Variants in CDKL3 observed in about 807,000 individuals in gnomAD.
CDKL3 encodes cyclin-dependent kinase-like 3.
CDKL3 carries 65 observed loss-of-function variants against 69.3 expected under a neutral mutation model. The ratio of observed to expected loss-of-function variants is 0.94; its 90% CI spans 0.77 to 1.15. The LOEUF (loss-of-function observed/expected upper bound fraction) is 1.15. Ranked by LOEUF, CDKL3 falls within the 50% of genes most tolerant of loss-of-function variation. The pLI is 0.00. For synonymous variants in CDKL3, 202 were observed against 221.6 expected (o/e 0.91, Z 0.79); for missense variants, 652 against 689.2 (o/e 0.95, Z 0.61).
intron 4 of CDKL3, among the ~76,000 whole-genome samples, chr5:134,343,356 C>G (rs1255199447): frequency 6.6e-6 from 1 of 152,218 alleles, no homozygotes; most frequent in Non-Finnish European, 1.5e-5. Flanking sequence ...TTAATTGACT[C>G]CATCTTGCTT....
At chr5:134,290,353 CAAAAAAAA>C (rs1212709645) in intron 8 of CDKL3, among the ~76,000 whole-genome samples, 1 of 24,792 alleles carries the variant, frequency 4.0e-5, no homozygotes, top group Admixed American at 4.2e-4. Flanking sequence ...GACTCTGTCT[CAAAAAAAA>C]AAAAAAAAAA....
chr5:134,326,829 A>ATGTGTGTG (rs780866668), intron 4 of CDKL3, among the ~76,000 whole-genome samples: 3,089 of 85,864 alleles, frequency 0.036, 50 homozygotes, highest in South Asian at 0.058. Flanking sequence ...ATATATATAT[A>ATGTGTGTG]TATATATATA....
chr5:134,303,160 C>T (rs374338343), intron 11 of CDKL3, among the ~76,000 whole-genome samples: 13 of 151,626 alleles, frequency 8.6e-5, no homozygotes, highest in Non-Finnish European at 1.5e-4. Flanking sequence ...GGCGCGATCT[C>T]GGCTCACTGC....
At chr5:134,296,529 A>G (rs1296007278), downstream of CDKL3, among the ~76,000 whole-genome samples, 1 of 152,214 alleles carries the variant, frequency 6.6e-6, no homozygotes, top group East Asian at 1.9e-4. Context: ...TGGGACTTCA[A>G]GCATTAAGAT....
At chr5:134,325,942 T>C (rs1422124115) in intron 4 of CDKL3, among the ~76,000 whole-genome samples, 3 of 147,712 alleles carry the variant, frequency 2.0e-5, no homozygotes, top group Non-Finnish European at 4.5e-5. Flanking sequence ...TTTTTTTTTT[T>C]TTTTTTTGTA....
intron 4 of CDKL3, among the ~76,000 whole-genome samples, chr5:134,330,545 T>C (rs1256058544): frequency 6.6e-6 from 1 of 152,002 alleles, no homozygotes; most frequent in South Asian, 2.1e-4. Flanking sequence ...TGAAACCCCA[T>C]CTCTACAAAA....
downstream of CDKL3, among the ~76,000 whole-genome samples, chr5:134,286,183 T>G (rs1274812836): frequency 2.0e-5 from 3 of 152,070 alleles, no homozygotes; most frequent in Non-Finnish European, 2.9e-5. Flanking sequence ...AAATCACCTC[T>G]CTCAAGTTCA....
At chr5:134,337,995 C>A (rs539069598) in intron 4 of CDKL3, among the ~76,000 whole-genome samples, 30 of 152,040 alleles carry the variant, frequency 2.0e-4, no homozygotes, top group Non-Finnish European at 3.2e-4. Context: ...TTTTGAAGAC[C>A]CCTCATACAA....
chr5:134,321,904 C>A lies in CDKL3; in HGVS notation c.540-1G>T. 6.5e-7 allele frequency: 1 copy of A among 1,528,128 alleles called. No individual in the cohort carries two copies. Among genetic ancestry groups the A allele is most frequent in the Non-Finnish European group, 9.0e-7 (1 of 1,114,278 alleles). The allele number at this position is 1,528,128 out of a possible 1,614,324, so 94.7% of individuals were successfully genotyped here. A position where few individuals can be genotyped will look rare whatever the true frequency, so the allele number is the denominator to read the frequency against. On this transcript the variant is annotated splice_acceptor_variant, in intron 4 of 12. Transcript: ENST00000265334. LOFTEE classifies it high-confidence loss of function. ...GCCCAAAGCCCAGATATCCACAGGT[C>A]TGAAACAGATCAGGGAAAAAAAAAT... is the stretch of plus-strand genomic sequence containing the variant.
intron 3 of CDKL3, among the ~76,000 whole-genome samples, chr5:134,356,964 C>G (rs532216066): frequency 2.1e-4 from 32 of 152,260 alleles, no homozygotes; most frequent in African/African-American, 6.5e-4. Flanking sequence ...TCTTGCCCAT[C>G]CTATGCTGTA....
At chr5:134,298,308 A>G (rs1340241852), downstream of CDKL3, 12 of 1,030,126 alleles carry the variant, frequency 1.2e-5, no homozygotes, top group Non-Finnish European at 1.4e-5. Context: ...GTTATAGGAG[A>G]TAACTGACTC....
At chr5:134,343,704 G>T (rs945002438) in intron 4 of CDKL3, among the ~76,000 whole-genome samples, 1 of 152,016 alleles carries the variant, frequency 6.6e-6, no homozygotes, top group East Asian at 1.9e-4. Context: ...TCTCATGGCC[G>T]CCCCAGACCC....
downstream of CDKL3, among the ~76,000 whole-genome samples, chr5:134,285,391 C>A (rs1561480409): frequency 6.6e-6 from 1 of 152,260 alleles, no homozygotes; most frequent in Non-Finnish European, 1.5e-5. Context: ...TGTGCACTCA[C>A]AGGCTCAACA....
chr5:134,363,424 G>A (rs1006792204), intron 2 of CDKL3, among the ~76,000 whole-genome samples: 4 of 149,854 alleles, frequency 2.7e-5, no homozygotes, highest in Non-Finnish European at 5.9e-5. Flanking sequence ...CTCTTGTGTA[G>A]CTGGGATTAC....
intron 2 of CDKL3, among the ~76,000 whole-genome samples, chr5:134,360,510 T>C (rs568849158): frequency 1.1e-4 from 16 of 152,344 alleles, no homozygotes; most frequent in Non-Finnish European, 2.4e-4. Context: ...CAGCCTATGT[T>C]CCATGCATTT....
At chr5:134,319,210 A>G in intron 6 of CDKL3, 148 bp downstream of exon 6, 1 of 533,978 alleles carries the variant, frequency 1.9e-6, no homozygotes, top group Non-Finnish European at 3.1e-6. Flanking sequence ...AGGTGCCTGT[A>G]ATCCCAACTA....
intron 3 of CDKL3, among the ~76,000 whole-genome samples, chr5:134,353,883 G>A (rs1753911033): frequency 6.6e-6 from 1 of 151,986 alleles, no homozygotes; most frequent in South Asian, 2.1e-4. Flanking sequence ...TTTGCTTCAA[G>A]GATTCCTCAT....
At position 134,321,799 on chromosome 5, in the gene CDKL3, A is replaced by G; in HGVS notation, c.644T>C (p.Leu215Ser). 1 of 1,581,418 alleles carries G rather than the reference A, an allele frequency of 6.3e-7. No homozygotes were observed. Among genetic ancestry groups the G allele is most frequent in the African/African-American group, 1.3e-5 (1 of 74,310 alleles). The change falls in exon 5 of 13, where the codon TTG (leucine) becomes TCG (serine). Residue 215 changes from leucine (L) to serine (S), a missense_variant. Transcript: ENST00000265334. ...SDLDLLHKIV[L>S]KVGNLSPHLQ... ...ATTTCAGTAATACCTACCCACTTTC[A>G]AAACAATTTTATGGAGTAAATCCAA...
At chr5:134,340,111 A>G (rs1486980880) in intron 4 of CDKL3, among the ~76,000 whole-genome samples, 3 of 152,162 alleles carry the variant, frequency 2.0e-5, no homozygotes, top group Admixed American at 2.0e-4. Context: ...CCGAGATCAC[A>G]CCACTGCATT....
Sources: allele counts gnomAD v4.1 joint callset (sites outside exome capture counted in the v4.1 genomes callset), GRCh38; gene constraint gnomAD v4.1.1; transcripts MANE v1.5; gene names NCBI Gene and HGNC (gene_info 2026-07-23, HGNC 2026-07-21).